OR56A3: variants seen among roughly 807,000 people sequenced by gnomAD.
The protein encoded by OR56A3 is olfactory receptor 56A3.
In OR56A3, 23 loss-of-function variants were observed where a neutral mutation model predicts 17.5. That is an observed-to-expected ratio of 1.32 (90% confidence interval 0.95 to 1.87). OR56A3 has a LOEUF of 1.87. Ranked by LOEUF, OR56A3 falls within the 40% of genes most tolerant of loss-of-function variation. OR56A3 has a pLI of 0.00. For missense variants in OR56A3, 366 were observed against 380.1 expected (o/e 0.96, Z 0.31); for synonymous variants, 175 against 150.6 (o/e 1.16, Z -1.19).
At chr11:6,011,204 T>TATATATATATATATATATATA in the OR56A3 span, among the ~76,000 whole-genome samples, 110 of 122,486 alleles carry the variant, frequency 9.0e-4, 1 homozygote, top group African/African-American at 3.3e-3. Flanking sequence ...GAGATTTATT[T>TATATATATATATATATATATA]TATATATATA....
chr11:5,945,579 T>TAAAA (rs3082300), intron 2 of OR56A3, among the ~76,000 whole-genome samples: 1,475 of 114,392 alleles, frequency 0.013, 21 homozygotes, highest in South Asian at 0.031. Context: ...AGACCCCATA[T>TAAAA]AAAAAAAAAA....
At chr11:5,994,718 C>A in the OR56A3 span, 3 of 822,746 alleles carry the variant, frequency 3.6e-6, no homozygotes, top group African/African-American at 1.7e-5. Context: ...CAGAATGATG[C>A]GGGCATTGTC....
chr11:6,001,906 G>A, the OR56A3 span: 10 of 711,902 alleles, frequency 1.4e-5, no homozygotes, highest in South Asian at 2.7e-4. Flanking sequence ...TGTGTTCATT[G>A]TTGCCTGAGA....
At chr11:6,018,038 GTGTATA>G in the OR56A3 span, among the ~76,000 whole-genome samples, 78,575 of 148,734 alleles carry the variant, frequency 0.53, 21,134 homozygotes, top group East Asian at 0.93. Flanking sequence ...GTGTGTGTGT[GTGTATA>G]TATATATATA....
chr11:6,002,394 A>G, the OR56A3 span: 25 of 1,614,260 alleles, frequency 1.5e-5, no homozygotes, highest in South Asian at 2.6e-4. Context: ...AAACTGGTAG[A>G]GCTGATTGAA....
chr11:5,979,583 G>T, the OR56A3 span, among the ~76,000 whole-genome samples: 5 of 151,962 alleles, frequency 3.3e-5, no homozygotes, highest in African/African-American at 1.2e-4. Context: ...TGTCATTTCT[G>T]ATTGTGTTTA....
chr11:5,992,658 A>G, the OR56A3 span, among the ~76,000 whole-genome samples: 3 of 152,284 alleles, frequency 2.0e-5, no homozygotes, highest in East Asian at 5.8e-4. Context: ...TGGTGCATGT[A>G]GGACAAATAG....
chr11:6,017,945 ATAAATATTATAG>A, the OR56A3 span, among the ~76,000 whole-genome samples: 1 of 152,140 alleles, frequency 6.6e-6, no homozygotes, highest in Non-Finnish European at 1.5e-5. Flanking sequence ...ATTTTAAGTC[ATAAATATTATAG>A]TAAAAAGAGA....
the OR56A3 span, among the ~76,000 whole-genome samples, chr11:6,005,000 TAAG>T: frequency 6.6e-6 from 1 of 152,124 alleles, no homozygotes; most frequent in African/African-American, 2.4e-5. Flanking sequence ...AATCATAAAA[TAAG>T]GAGACAATAT....
chr11:5,977,485 A>G, the OR56A3 span, among the ~76,000 whole-genome samples: 3 of 152,010 alleles, frequency 2.0e-5, no homozygotes, highest in African/African-American at 7.2e-5. Context: ...ATTTTTTCAT[A>G]TGCTTGTTGA....
At chr11:6,005,655 T>C in the OR56A3 span, among the ~76,000 whole-genome samples, 1 of 152,224 alleles carries the variant, frequency 6.6e-6, no homozygotes, top group African/African-American at 2.4e-5. Flanking sequence ...TTCTGGAAGC[T>C]AAGAAGTATA....
At chr11:5,992,448 C>T in the OR56A3 span, among the ~76,000 whole-genome samples, 5 of 152,304 alleles carry the variant, frequency 3.3e-5, no homozygotes, top group Admixed American at 2.6e-4. Flanking sequence ...TTAATTTCTT[C>T]TTCTGCTTCA....
rs1363586727 is a variant in OR56A3 at position 5,947,455 on chromosome 11, C to A, written c.109C>A (p.Leu37Ile). 4.3e-6 allele frequency: 7 copies of A among 1,614,224 alleles called. No individual in the cohort carries two copies. Among genetic ancestry groups the A allele is most frequent in the Non-Finnish European group, 5.9e-6 (7 of 1,180,032 alleles). Residue 37 changes from leucine to isoleucine, a missense_variant, in exon 3 of 3, where the codon CTC becomes ATC. Physicochemically the swap from Leu to Ile is conservative, Grantham distance 5. Transcript: ENST00000641160. The stretch of plus-strand genomic sequence containing the variant: ...GCACTGGCTGTCCCTGCCCCTCAGC[C>A]TCCTTTTCCTCTTGGCCGTAGGGGC... ...WQHWLSLPLSLLFLLAVGANT... is the reference protein window; with the variant it reads ...WQHWLSLPLSILFLLAVGANT...
the OR56A3 span, among the ~76,000 whole-genome samples, chr11:5,997,480 C>G: frequency 6.6e-6 from 1 of 152,174 alleles, no homozygotes; most frequent in Non-Finnish European, 1.5e-5. Context: ...TCCACTCTGC[C>G]ACTTCCCTCC....
chr11:5,953,165 C>T (rs2134367178), downstream of OR56A3, among the ~76,000 whole-genome samples: 1 of 152,258 alleles, frequency 6.6e-6, no homozygotes, highest in Non-Finnish European at 1.5e-5. Context: ...GGGATAAATA[C>T]CCAGTAATGG....
chr11:6,012,229 T>G, the OR56A3 span, among the ~76,000 whole-genome samples: 1 of 152,242 alleles, frequency 6.6e-6, no homozygotes, highest in Non-Finnish European at 1.5e-5. Context: ...GGAGCTTTAT[T>G]GAGCAATAGA....
the OR56A3 span, among the ~76,000 whole-genome samples, chr11:5,975,377 T>G: frequency 9.4e-6 from 1 of 106,498 alleles, no homozygotes; most frequent in Non-Finnish European, 1.8e-5. Flanking sequence ...CCCACAACAG[T>G]CCCCAGTGTG....
the OR56A3 span, among the ~76,000 whole-genome samples, chr11:6,014,217 A>G: frequency 2.0e-5 from 3 of 152,210 alleles, no homozygotes; most frequent in Non-Finnish European, 4.4e-5. Flanking sequence ...CTGAGAAAAA[A>G]ACACAAAAAC....
the OR56A3 span, among the ~76,000 whole-genome samples, chr11:5,966,051 G>A: frequency 6.6e-6 from 1 of 152,018 alleles, no homozygotes; most frequent in African/African-American, 2.4e-5. Flanking sequence ...CAAAACTATT[G>A]TTTTGGTGAA....
Sources: allele counts gnomAD v4.1 joint callset (sites outside exome capture counted in the v4.1 genomes callset), GRCh38; gene constraint gnomAD v4.1.1; transcripts MANE v1.5; gene names NCBI Gene and HGNC (gene_info 2026-07-23, HGNC 2026-07-21).